Variants in DUOX2 observed in about 807,000 individuals in gnomAD.
DUOX2 encodes NADH/NADPH thyroid oxidase p138-tox.
DUOX2 carries 185 observed loss-of-function variants against 183.3 expected under a neutral mutation model. That is an observed-to-expected ratio of 1.01 (90% CI 0.90 to 1.14). The LOEUF (loss-of-function observed/expected upper bound fraction) is 1.14, where lower values mean the gene tolerates loss of function less well. DUOX2 is among the 50% of genes most tolerant of loss of function. The probability of loss-of-function intolerance (pLI) is 0.00; values close to 1 mark genes in which losing one functional copy is unlikely to be tolerated. For missense variants in DUOX2, 1,999 were observed against 2,022.9 expected (o/e 0.99, Z 0.23); for synonymous variants, 788 against 812.4 (o/e 0.97, Z 0.51).
At chr15:45,109,424 T>C in intron 11 of DUOX2, 100 bp downstream of exon 11, 3 of 961,866 alleles carry the variant, frequency 3.1e-6, no homozygotes, top group Non-Finnish European at 5.1e-6. Context: ...GTATCTGTGT[T>C]CCTGCATCGT....
At chr15:45,106,489 C>G (rs199935584) in intron 16 of DUOX2, 39 bp downstream of exon 16, 11 of 1,607,716 alleles carry the variant, frequency 6.8e-6, no homozygotes, top group South Asian at 1.1e-5. Flanking sequence ...CTCTCCCCTC[C>G]TCCGTCCCTC....
chr15:45,108,166 G>A lies in DUOX2; in HGVS notation c.1455C>T (p.Leu485=), dbSNP rs762920182. The A allele has an allele frequency of 6.2e-7, 1 of 1,614,202 alleles. No individual in the cohort carries two copies. The highest frequency in any genetic ancestry group is 8.5e-7 in the Non-Finnish European group (1 of 1,180,016). The change falls in exon 13 of 34, where the codon CTC becomes CTT. Residue 485 remains leucine, a synonymous_variant. Coordinates refer to ENST00000389039, the MANE Select transcript of DUOX2 (RefSeq NM_001363711.2). ...YNQDLSQLEL[L]LGGLLESHGD... is the part of the protein sequence containing the mutation. ...CATGGCTCTCCAGGAGCCCCCCAAGGAGCAGCTCTAGCTGGGATAGGTCCT... is the reference window on the plus strand; with the variant it reads ...CATGGCTCTCCAGGAGCCCCCCAAGAAGCAGCTCTAGCTGGGATAGGTCCT...
Position 45,110,536 on chromosome 15 carries a change from A to G in DUOX2, c.944-12T>C. The stretch of plus-strand genomic sequence containing the variant: ...GAAAGGACGGTATCCTGCAGGAAGG[A>G]GACGGTGATGATGGGGAGACAGGCT... On this transcript the variant is annotated splice_polypyrimidine_tract_variant and intron_variant, in intron 8 of 33. Transcript: ENST00000389039. 6.2e-7 allele frequency: 1 copy of G among 1,614,062 alleles called. No individual in the cohort carries two copies. The highest frequency in any genetic ancestry group is 8.5e-7 in the Non-Finnish European group (1 of 1,179,986).
rs747691987 is a variant in DUOX2 at position 45,111,419 on chromosome 15, G to A, written c.680C>T (p.Pro227Leu). ...NPLLMWAAPD[P>L]ATGQNGPRGL... is the part of the protein sequence containing the mutation. ...CCGGGGCCCGTTCTGCCCGGTGGCGGGGTCGGGCGCCGCCCACATGAGCAG... is the reference window on the plus strand; with the variant it reads ...CCGGGGCCCGTTCTGCCCGGTGGCGAGGTCGGGCGCCGCCCACATGAGCAG... Residue 227 changes from proline to leucine, a missense_variant, in exon 6 of 34, where the codon CCC (proline) becomes CTC (leucine). By Grantham distance (98) the Pro-to-Leu change is moderately conservative. Coordinates refer to ENST00000389039, the MANE Select transcript of DUOX2 (RefSeq NM_001363711.2). 69 of 1,500,970 alleles carry A rather than the reference G, an allele frequency of 4.6e-5. No individual in the cohort carries two copies. The highest frequency in any genetic ancestry group is 6.0e-5 in the Non-Finnish European group (68 of 1,126,438). The allele number at this position is 1,500,970 out of a possible 1,614,324, so 93.0% of individuals were successfully genotyped here.
intron 29 of DUOX2, among the ~76,000 whole-genome samples, chr15:45,096,991 G>A (rs934806169): frequency 2.6e-5 from 4 of 152,156 alleles, no homozygotes; most frequent in Admixed American, 6.5e-5. Flanking sequence ...CTGTATGCAC[G>A]TTCAGCCACC....
chr15:45,099,922 G>C lies in DUOX2; in HGVS notation c.3185-30C>G, dbSNP rs758974809. 5 of 1,613,000 alleles carry C rather than the reference G, an allele frequency of 3.1e-6. No homozygotes were observed. In the Admixed American group the frequency reaches 8.3e-5, roughly 27 times the overall value. On this transcript the variant is annotated intron_variant, in intron 24 of 33. Transcript: ENST00000389039. ...GGCCGGAGTGAGGTTACATCAGCTT[G>C]GCACAGGTGGCCAAGGTCCCGAGCC...
chr15:45,107,645 A>G (rs1208305819), intron 13 of DUOX2, among the ~76,000 whole-genome samples, 182 bp from the exon 14 acceptor site: 3 of 151,992 alleles, frequency 2.0e-5, no homozygotes, highest in African/African-American at 7.3e-5. Context: ...GGAGTTCGAG[A>G]CCAGCCTGAC....
In DUOX2 at chr15:45,110,303, C is replaced by T. The variant is rs376092886; in HGVS notation, c.1040+125G>A. 7.8e-6 allele frequency: 7 copies of T among 901,366 alleles called. No homozygotes were observed. In the African/African-American group the frequency reaches 1.2e-4, roughly 15 times the overall value. 55.8% of individuals were successfully genotyped at this position (901,366 alleles called of 1,614,324 possible). A position where few individuals can be genotyped will look rare whatever the true frequency, so the allele number is the denominator to read the frequency against. On this transcript the variant is annotated intron_variant, in intron 9 of 33. Coordinates refer to ENST00000389039, the MANE Select transcript of DUOX2 (RefSeq NM_001363711.2). ...CTTACCCCAGGGTTCTGTTTCAGGG[C>T]CCCAAATTTTTGCTTCCCCTTCTCT...
intron 8 of DUOX2, 59 bp downstream of exon 8, chr15:45,110,591 A>T: frequency 6.2e-7 from 1 of 1,613,700 alleles, no homozygotes; most frequent in South Asian, 1.1e-5. Context: ...CATCACAGGC[A>T]CCTGTCTCCT....
Position 45,095,530 on chromosome 15 carries a change from C to A in DUOX2, c.4146G>T (p.Leu1382Phe), listed in dbSNP as rs1208876801. The A allele has an allele frequency of 1.5e-5, 25 of 1,614,104 alleles. No homozygotes were observed. Among genetic ancestry groups the A allele is most frequent in the Non-Finnish European group, 2.0e-5 (24 of 1,180,050 alleles). ...GGGTGACCCCAATGCCCCCTCCCAC[C>A]AACACTGACACCTCAAATTTATGCC... is the stretch of plus-strand genomic sequence containing the variant. Reference protein sequence around the residue: ...QEWHKFEVSVLVGGGIGVTPF... With the variant: ...QEWHKFEVSVFVGGGIGVTPF... The change falls in exon 31 of 34, where the codon TTG becomes TTT. Residue 1382 changes from leucine to phenylalanine, a missense_variant. Physicochemically the swap from Leu to Phe is conservative, Grantham distance 22. Around this residue, in one of 3 missense-constraint regions of DUOX2, gnomAD observed 1,628 missense variants for 1,608.6 expected, o/e 1.01. Transcript: ENST00000389039.
intron 11 of DUOX2, chr15:45,109,290 C>G: frequency 1.7e-6 from 1 of 603,038 alleles, no homozygotes. Flanking sequence ...TGTGGTACCA[C>G]CCCTCCCCAA....
chr15:45,099,750 C>T lies in DUOX2; in HGVS notation c.3327G>A (p.Leu1109=). The T allele has an allele frequency of 6.2e-7, 1 of 1,614,156 alleles. No individual in the cohort carries two copies. Among genetic ancestry groups the T allele is most frequent in the Non-Finnish European group, 8.5e-7 (1 of 1,180,044 alleles). ...CATAGCGGTTGAGGAAAGTCTCTCG[C>T]AGGAAGGTTATGAGGTTGCGGCACA... ...LTMCRNLITF[L]RETFLNRYVP... Residue 1109 remains leucine, a synonymous_variant, in exon 25 of 34, where the codon CTG becomes CTA. Transcript: ENST00000389039.
At position 45,100,244 on chromosome 15, in the gene DUOX2, G is replaced by A. The variant is rs745410793; in HGVS notation, c.3006-16C>T. ...CACTGCTGCCCTATAGCAAGGGGAG[G>A]CAGGGCAGCAGTGTGGTAAGGGCCC... On this transcript the variant is annotated splice_polypyrimidine_tract_variant and intron_variant, in intron 23 of 33. Transcript: ENST00000389039. The A allele has an allele frequency of 6.2e-7, 1 of 1,610,176 alleles. No individual in the cohort carries two copies. The highest frequency in any genetic ancestry group is 1.1e-5 in the South Asian group (1 of 90,986).
intron 12 of DUOX2, 162 bp from the exon 13 acceptor site, chr15:45,108,384 G>A: frequency 1.2e-6 from 1 of 833,124 alleles, no homozygotes; most frequent in Non-Finnish European, 1.9e-6. Flanking sequence ...AAGTCTGGTG[G>A]AAGGATCAGT....
rs939044129 is a variant in DUOX2 at position 45,094,046 on chromosome 15, G to C, written c.*104C>G. 43 of 1,526,434 alleles carry C rather than the reference G, an allele frequency of 2.8e-5. No individual in the cohort carries two copies. The highest frequency in any genetic ancestry group is 3.9e-5 in the Non-Finnish European group (43 of 1,102,630). The allele number at this position is 1,526,434 out of a possible 1,614,324, so 94.6% of individuals were successfully genotyped here. A position where few individuals can be genotyped will look rare whatever the true frequency, so the allele number is the denominator to read the frequency against. ...AGGGGCTCTGCAGCCCTCCAGCTGAGGCCTAAGGTGGATTCTGATGGAGAG... is the reference window on the plus strand; with the variant it reads ...AGGGGCTCTGCAGCCCTCCAGCTGACGCCTAAGGTGGATTCTGATGGAGAG... On this transcript the variant is annotated 3_prime_UTR_variant, in exon 34 of 34. Coordinates refer to ENST00000389039, the MANE Select transcript of DUOX2 (RefSeq NM_001363711.2).
rs1894320881 is a variant in DUOX2, at chr15:45,109,522, A to G, written c.1234+2T>C. 6.2e-7 allele frequency: 1 copy of G among 1,613,384 alleles called. No individual in the cohort carries two copies. Among genetic ancestry groups the G allele is most frequent in the Non-Finnish European group, 8.5e-7 (1 of 1,179,618 alleles). ...ATCCACCCCTTCTGGCTCTGAGCTC[A>G]CCCCTCAGATCTTCAACCACTATGT... is the stretch of plus-strand genomic sequence containing the variant. On this transcript the variant is annotated splice_donor_variant, in intron 11 of 33. Coordinates refer to ENST00000389039, the MANE Select transcript of DUOX2 (RefSeq NM_001363711.2). LOFTEE classifies it high-confidence loss of function.
Position 45,109,560 on chromosome 15 carries a change from C to G in DUOX2, c.1198G>C (p.Glu400Gln), listed in dbSNP as rs1466429241. 6.2e-7 allele frequency: 1 copy of G among 1,614,146 alleles called. No homozygotes were observed. Among genetic ancestry groups the G allele is most frequent in the South Asian group, 1.1e-5 (1 of 91,070 alleles). Residue 400 changes from glutamate (E) to glutamine (Q), a missense_variant, in exon 11 of 34, where the codon GAG becomes CAG. By Grantham distance (29) the Glu-to-Gln change is conservative. Coordinates refer to ENST00000389039, the MANE Select transcript of DUOX2 (RefSeq NM_001363711.2). ...TCAACCACTATGTTGTCCTCCAACT[C>G]CGAAATCTGGGAGGCCATTCCCAGC... ...LLLGMASQIS[E>Q]LEDNIVVEDL...
rs1271172420 is a variant in DUOX2, at chr15:45,098,909, G to C, written c.3515+474C>G. 5 of 199,120 alleles carry C rather than the reference G, an allele frequency of 2.5e-5. No homozygotes were observed. The East Asian group carries it at 5.9e-4, about 24-fold the overall frequency. 12.3% of individuals were successfully genotyped at this position (199,120 alleles called of 1,614,324 possible). A position where few individuals can be genotyped will look rare whatever the true frequency, so the allele number is the denominator to read the frequency against. ...TGTACAGATGGAGTCTCACTTTGTT[G>C]TTCAGGCTTGTCTGGAACTCCTGGC... On this transcript the variant is annotated intron_variant, in intron 26 of 33. Coordinates refer to ENST00000389039, the MANE Select transcript of DUOX2 (RefSeq NM_001363711.2).
At chr15:45,109,817 T>G (rs1894328898) in intron 10 of DUOX2, 73 bp downstream of exon 10, 1 of 1,464,062 alleles carries the variant, frequency 6.8e-7, no homozygotes, top group Non-Finnish European at 9.6e-7. Context: ...AGAACTGGGA[T>G]TGTTGCTTTT....
Sources: gnomAD v4.1 joint callset for allele counts (sites outside exome capture counted in the v4.1 genomes callset) on GRCh38, gnomAD v4.1.1 for gene constraint, gnomAD v4.1.1 regional missense constraint, MANE v1.5 for transcripts, NCBI Gene and HGNC (gene_info 2026-07-23, HGNC 2026-07-21) for gene names.